CDK18: variants seen among roughly 807,000 people sequenced by gnomAD.
CDK18 encodes the protein cyclin dependent kinase 18.
CDK18 carries 52 observed loss-of-function variants against 62.0 expected under a neutral mutation model. The observed-to-expected ratio is 0.84, with a 90% CI of 0.67 to 1.06. The LOEUF is 1.06. CDK18 is among the 50% of genes least tolerant of loss of function. The pLI, the probability that CDK18 is intolerant of heterozygous loss-of-function variation, is 0.00. For synonymous variants in CDK18, 237 were observed against 247.0 expected, an observed-to-expected ratio of 0.96 and a Z score of 0.38; for missense variants, 604 against 619.9, an observed-to-expected ratio of 0.97 and a Z score of 0.27.
intron 1 of CDK18, 67 bp downstream of exon 1, chr1:205,504,863 G>C (rs1667228140): frequency 6.6e-6 from 1 of 152,340 alleles, no homozygotes; most frequent in African/African-American, 2.4e-5. Context: ...CGCGGCGCCG[G>C]GTATAAGGAG....
At chr1:205,521,704 G>A (rs538391437) in intron 1 of CDK18, among the ~76,000 whole-genome samples, 34 of 152,362 alleles carry the variant, frequency 2.2e-4, no homozygotes, top group Middle Eastern at 3.4e-3. Context: ...GTGTTTGGGG[G>A]CAGCCAGGAG....
In CDK18 at chr1:205,530,314, G is replaced by T. The variant is rs760915150; in HGVS notation, c.1277G>T (p.Arg426Leu). 6.2e-7 allele frequency: 1 copy of T among 1,613,216 alleles called. No homozygotes were observed. Among genetic ancestry groups the T allele is most frequent in the Non-Finnish European group, 8.5e-7 (1 of 1,180,016 alleles). ...AEAALSHSYFRSLGERVHQLE... is the reference protein window; with the variant it reads ...AEAALSHSYFLSLGERVHQLE... ...GCTGCCCTGAGTCACTCCTACTTCC[G>T]GTCTCTGGGAGAGCGTGTGCACCAG... Residue 426 changes from arginine to leucine, a missense_variant, in exon 14 of 16, where the codon CGG becomes CTG. By Grantham distance (102) the Arg-to-Leu change is moderately radical (BLOSUM62 -2). Coordinates refer to ENST00000429964, the MANE Select transcript of CDK18 (RefSeq NM_212502.3).
chr1:205,518,939 T>C (rs1667972079), intron 1 of CDK18, among the ~76,000 whole-genome samples: 1 of 152,182 alleles, frequency 6.6e-6, no homozygotes, highest in Non-Finnish European at 1.5e-5. Context: ...GGCTGGGGTC[T>C]GCCTGCCCAC....
intron 7 of CDK18, 67 bp from the exon 8 acceptor site, chr1:205,526,708 A>G: frequency 6.9e-7 from 1 of 1,456,564 alleles, no homozygotes; most frequent in South Asian, 1.1e-5. Flanking sequence ...TCCTCTCCTC[A>G]GCCTGTGTCT....
chr1:205,523,396 A>T, intron 2 of CDK18, 87 bp from the exon 3 acceptor site: 1 of 1,376,976 alleles, frequency 7.3e-7, no homozygotes, highest in Non-Finnish European at 1.0e-6. Context: ...GCCTTAGGGG[A>T]GGAGCACAGC....
At chr1:205,521,339 G>C (rs955937816) in intron 1 of CDK18, among the ~76,000 whole-genome samples, 2 of 152,210 alleles carry the variant, frequency 1.3e-5, no homozygotes, top group Admixed American at 6.5e-5. Context: ...AGCCTCCCAA[G>C]TAACTGGGAT....
chr1:205,517,869 C>T lies in CDK18; in HGVS notation c.-21-5278C>T, dbSNP rs958843421. Among the ~76,000 whole-genome samples, 12 of 152,116 alleles carry T rather than the reference C, an allele frequency of 7.9e-5. No homozygotes were observed. Among genetic ancestry groups the T allele is most frequent in the African/African-American group, 1.4e-4 (6 of 41,436 alleles). ...CCCTTGTCTGTTCTCAACACAGCAG[C>T]GTGTTAAAGCCTCAGTGTGATCATG... On this transcript the variant is annotated intron_variant, in intron 1 of 15. Coordinates refer to ENST00000429964, the MANE Select transcript of CDK18 (RefSeq NM_212502.3). The surrounding 1 kb of genome is among the most constrained non-coding windows in gnomAD (Gnocchi z 4.1).
At chr1:205,514,916 A>G (rs1667743170) in intron 1 of CDK18, among the ~76,000 whole-genome samples, 2 of 152,200 alleles carry the variant, frequency 1.3e-5, no homozygotes, top group South Asian at 2.1e-4. Context: ...ACAGTCTCCC[A>G]GGGGAAGTGA....
chr1:205,525,645 C>A (rs577760433), intron 5 of CDK18, among the ~76,000 whole-genome samples: 1 of 152,300 alleles, frequency 6.6e-6, no homozygotes, highest in East Asian at 1.9e-4. Flanking sequence ...GGCACACAGA[C>A]AATGCCTGGC....
chr1:205,507,776 G>A (rs961482504), intron 1 of CDK18, among the ~76,000 whole-genome samples: 1 of 152,072 alleles, frequency 6.6e-6, no homozygotes, highest in African/African-American at 2.4e-5. Flanking sequence ...CTGGTCTAGA[G>A]ACCAAGGTAG....
At chr1:205,522,928 G>C (rs1668208722) in intron 1 of CDK18, 1 of 542,190 alleles carries the variant, frequency 1.8e-6, no homozygotes, top group African/African-American at 1.9e-5. Flanking sequence ...AGTGGAGGCA[G>C]TGCTGAGGGT....
At chr1:205,523,955 G>T (rs1668282534) in intron 3 of CDK18, among the ~76,000 whole-genome samples, 1 of 152,238 alleles carries the variant, frequency 6.6e-6, no homozygotes, top group South Asian at 2.1e-4. Context: ...GTGCCTGTAA[G>T]GGCATGAGAC....
intron 3 of CDK18, 120 bp from the exon 4 acceptor site, chr1:205,524,112 T>G: frequency 8.5e-7 from 1 of 1,177,986 alleles, no homozygotes; most frequent in Non-Finnish European, 1.2e-6. Flanking sequence ...CAGCCTGTGA[T>G]TGGGCTCTGA....
At chr1:205,530,843 GT>G (rs1195469943) in intron 15 of CDK18, 138 bp downstream of exon 15, 12 of 694,982 alleles carry the variant, frequency 1.7e-5, no homozygotes, top group Non-Finnish European at 2.6e-5. Context: ...GAAGGGGTTG[GT>G]TTCTCCTGCC....
intron 1 of CDK18, among the ~76,000 whole-genome samples, chr1:205,511,141 A>G (rs1027629546): frequency 1.7e-4 from 26 of 152,272 alleles, no homozygotes; most frequent in Non-Finnish European, 3.2e-4. Flanking sequence ...TGTATGGCCC[A>G]TGAGCTAAGA....
At chr1:205,526,300 C>A (rs947737986) in intron 6 of CDK18, 67 bp from the exon 7 acceptor site, 5 of 1,492,018 alleles carry the variant, frequency 3.4e-6, no homozygotes, top group Non-Finnish European at 4.7e-6. Context: ...CTGGCGCTGA[C>A]CCCAAGAAAA....
At position 205,520,821 on chromosome 1, in the gene CDK18, C is replaced by G. The variant is rs1381199664; in HGVS notation, c.-21-2326C>G. ...GGTAGGTGTGTCTGGGTCCTCTTGTCACTGGGACCCACACCCCCTGCCACC... is the reference window on the plus strand; with the variant it reads ...GGTAGGTGTGTCTGGGTCCTCTTGTGACTGGGACCCACACCCCCTGCCACC... On this transcript the variant is annotated intron_variant, in intron 1 of 15. Coordinates refer to ENST00000429964, the MANE Select transcript of CDK18 (RefSeq NM_212502.3). 2.0e-5 allele frequency among the ~76,000 whole-genome samples: 3 copies of G among 152,270 alleles called. No homozygotes were observed. In the South Asian group the frequency reaches 6.2e-4, roughly 32 times the overall value.
Position 205,525,172 on chromosome 1 carries a change from G to C in CDK18, c.433G>C (p.Val145Leu). 2 of 1,610,340 alleles carry C rather than the reference G, an allele frequency of 1.2e-6. No homozygotes were observed. The highest frequency in any genetic ancestry group is 1.7e-6 in the Non-Finnish European group (2 of 1,177,236). The change falls in exon 5 of 16, where the codon GTG (valine) becomes CTG (leucine). Residue 145 changes from valine (V) to leucine (L), a missense_variant. Physicochemically the swap from Val to Leu is conservative, Grantham distance 32. Transcript: ENST00000429964. ...DIGFGKLETY[V>L]KLDKLGEGTY... ...TGGCTTTGGGAAACTGGAAACATAC[G>C]TGAAACTGGACAAACTGGGAGAGGT... is the stretch of plus-strand genomic sequence containing the variant.
At chr1:205,513,715 G>C (rs944697500) in intron 1 of CDK18, among the ~76,000 whole-genome samples, 8 of 152,186 alleles carry the variant, frequency 5.3e-5, no homozygotes, top group South Asian at 2.1e-4. Flanking sequence ...GCCAGGAAGA[G>C]GGCCACAAGC....
Sources: gnomAD v4.1 joint callset for allele counts (sites outside exome capture counted in the v4.1 genomes callset) on GRCh38, gnomAD v4.1.1 for gene constraint, Gnocchi (gnomAD v3.1) non-coding constraint, MANE v1.5 for transcripts, NCBI Gene and HGNC (gene_info 2026-07-23, HGNC 2026-07-21) for gene names.